CCSER1: variants seen among roughly 807,000 people sequenced by gnomAD.
CCSER1 encodes serine-rich coiled-coil domain-containing protein 1.
Under a neutral mutation model 82.0 loss-of-function variants are expected in CCSER1, and 41 were observed. The observed-to-expected ratio is 0.50, with a 90% confidence interval of 0.39 to 0.65. The LOEUF is 0.65. Among genes scored for constraint, CCSER1 ranks in the 30% least tolerant of loss-of-function variants. The probability of loss-of-function intolerance (pLI) is 0.00; values close to 1 mark genes in which losing one functional copy is unlikely to be tolerated. For missense variants in CCSER1, 1,119 were observed against 1,064.2 expected, an observed-to-expected ratio of 1.05 and a Z score of -0.72; for synonymous variants, 414 against 383.9, an observed-to-expected ratio of 1.08 and a Z score of -0.92.
intron 1 of CCSER1, among the ~76,000 whole-genome samples, chr4:90,128,904 A>G (rs1317575695): frequency 6.6e-6 from 1 of 152,042 alleles, no homozygotes; most frequent in Non-Finnish European, 1.5e-5. Flanking sequence ...TGGGACATGG[A>G]ATATGAAATG....
intron 10 of CCSER1, among the ~76,000 whole-genome samples, chr4:91,288,994 A>T (rs192696087): frequency 1.3e-5 from 2 of 152,192 alleles, no homozygotes; most frequent in Admixed American, 1.3e-4. Flanking sequence ...TATGACTAGG[A>T]AAGTCACAAG....
At chr4:90,304,097 G>C (rs558840267) in intron 1 of CCSER1, among the ~76,000 whole-genome samples, 5 of 152,166 alleles carry the variant, frequency 3.3e-5, no homozygotes, top group South Asian at 2.1e-4. Context: ...ACCACAATGA[G>C]ATACCATCTC....
intron 1 of CCSER1, among the ~76,000 whole-genome samples, chr4:90,303,159 GA>G (rs1275824443): frequency 6.6e-6 from 1 of 152,128 alleles, no homozygotes; most frequent in African/African-American, 2.4e-5. Context: ...TTTACTTAAA[GA>G]AACTAGGACA....
chr4:90,429,301 C>G (rs1345816999), intron 4 of CCSER1, among the ~76,000 whole-genome samples: 1 of 151,616 alleles, frequency 6.6e-6, no homozygotes, highest in South Asian at 2.1e-4. Context: ...ATTATTGTAA[C>G]GACACAGAGC....
intron 9 of CCSER1, among the ~76,000 whole-genome samples, chr4:91,057,402 G>A (rs546651760): frequency 9.2e-5 from 14 of 152,210 alleles, no homozygotes; most frequent in South Asian, 8.3e-4. Context: ...CCACCCCTTT[G>A]TCGTTCCAGA....
intron 5 of CCSER1, among the ~76,000 whole-genome samples, chr4:90,547,634 G>A (rs115009696): frequency 1.8e-3 from 280 of 152,060 alleles, no homozygotes; most frequent in Middle Eastern, 0.01. Flanking sequence ...TTCTGAATTC[G>A]AGAAAGCATT....
intron 6 of CCSER1, among the ~76,000 whole-genome samples, chr4:90,635,287 A>G (rs953165316): frequency 2.0e-5 from 3 of 151,830 alleles, no homozygotes; most frequent in African/African-American, 7.2e-5. Flanking sequence ...CGAGTGGAAC[A>G]TCGTCAAGAC....
chr4:90,438,774 TTCTA>T (rs10617236), intron 4 of CCSER1, among the ~76,000 whole-genome samples: 6,125 of 150,310 alleles, frequency 0.041, 263 homozygotes, highest in African/African-American at 0.11. Flanking sequence ...TTTTGATATC[TTCTA>T]TCTATCTATC....
rs1758940368 is a variant in CCSER1, at chr4:90,815,864, T to G, written c.2094+19T>G. ...AGAGCTGGTAAGTGATAACAATGCT[T>G]GGCCCACGAGTGTACTTTACTTTCA... On this transcript the variant is annotated intron_variant, in intron 8 of 10. Coordinates refer to ENST00000509176, the MANE Select transcript of CCSER1 (RefSeq NM_001145065.2). 1 of 1,528,766 alleles carries G rather than the reference T, an allele frequency of 6.5e-7. No homozygotes were observed. Among genetic ancestry groups the G allele is most frequent in the Non-Finnish European group, 8.9e-7 (1 of 1,126,810 alleles). The allele number at this position is 1,528,766 out of a possible 1,614,324, so 94.7% of individuals were successfully genotyped here. A position where few individuals can be genotyped will look rare whatever the true frequency, so the allele number is the denominator to read the frequency against.
chr4:90,941,722 T>C (rs964324493), intron 9 of CCSER1, among the ~76,000 whole-genome samples: 1 of 152,160 alleles, frequency 6.6e-6, no homozygotes, highest in Non-Finnish European at 1.5e-5. Flanking sequence ...TTTTAGGTAA[T>C]CACCAATATT....
chr4:90,891,745 G>A (rs1722997504), intron 8 of CCSER1, among the ~76,000 whole-genome samples: 1 of 151,968 alleles, frequency 6.6e-6, no homozygotes, highest in Admixed American at 6.6e-5. Flanking sequence ...ACCTAAGAGT[G>A]CGGTTTTCAT....
At chr4:90,750,695 A>G (rs1748473052) in intron 7 of CCSER1, among the ~76,000 whole-genome samples, 1 of 152,182 alleles carries the variant, frequency 6.6e-6, no homozygotes, top group Non-Finnish European at 1.5e-5. Context: ...GAACAATTCT[A>G]TGCCAAAACC....
chr4:90,816,280 A>G (rs73833876), intron 8 of CCSER1, among the ~76,000 whole-genome samples: 2,188 of 152,284 alleles, frequency 0.014, 57 homozygotes, highest in African/African-American at 0.05. Context: ...AAAATACATT[A>G]ACCTAATGAG....
At chr4:90,690,498 T>C (rs1436460520) in intron 6 of CCSER1, among the ~76,000 whole-genome samples, 1 of 152,152 alleles carries the variant, frequency 6.6e-6, no homozygotes, top group African/African-American at 2.4e-5. Flanking sequence ...ATTATTGTCC[T>C]GTAAAACCTA....
At chr4:91,426,892 A>G (rs1481382934) in intron 10 of CCSER1, among the ~76,000 whole-genome samples, 1 of 152,110 alleles carries the variant, frequency 6.6e-6, no homozygotes, top group Non-Finnish European at 1.5e-5. Context: ...TGAGTCAGAC[A>G]CTCATATAAG....
chr4:90,133,836 CA>C (rs1470018196), intron 1 of CCSER1, among the ~76,000 whole-genome samples: 1 of 152,172 alleles, frequency 6.6e-6, no homozygotes, highest in Non-Finnish European at 1.5e-5. Context: ...TCAGTGTTAG[CA>C]ATGTCCAGCA....
At chr4:91,168,909 C>A (rs564640612) in intron 10 of CCSER1, among the ~76,000 whole-genome samples, 2 of 152,086 alleles carry the variant, frequency 1.3e-5, no homozygotes, top group Non-Finnish European at 2.9e-5. Context: ...CCCCCAACCC[C>A]GTGCTCTCTG....
chr4:90,981,906 G>T (rs919386941), intron 9 of CCSER1, among the ~76,000 whole-genome samples: 1 of 151,772 alleles, frequency 6.6e-6, no homozygotes, highest in Non-Finnish European at 1.5e-5. Context: ...CAAAACTGAT[G>T]CATGAGAGTA....
chr4:91,004,699 A>G (rs1738348717), intron 9 of CCSER1, among the ~76,000 whole-genome samples: 2 of 152,224 alleles, frequency 1.3e-5, no homozygotes, highest in South Asian at 2.1e-4. Flanking sequence ...AGGTGTTTTT[A>G]AACACTCAAA....
Sources: allele counts gnomAD v4.1 joint callset (sites outside exome capture counted in the v4.1 genomes callset), GRCh38; gene constraint gnomAD v4.1.1; transcripts MANE v1.5; gene names NCBI Gene and HGNC (gene_info 2026-07-23, HGNC 2026-07-21).